NPC1L1: variants seen among roughly 807,000 people sequenced by gnomAD.
NPC1L1 encodes the protein NPC1-like intracellular cholesterol transporter 1.
A neutral mutation model predicts 117.0 loss-of-function variants in NPC1L1; 98 were observed. The ratio of observed to expected loss-of-function variants is 0.84; its 90% CI spans 0.71 to 0.99. NPC1L1 has a LOEUF of 0.99. Ranked by LOEUF, NPC1L1 falls within the 50% of genes least tolerant of loss-of-function variation. The probability of loss-of-function intolerance (pLI) is 0.00; values close to 1 mark genes in which losing one functional copy is unlikely to be tolerated. For synonymous variants in NPC1L1, 729 were observed against 727.6 expected, an observed-to-expected ratio of 1.00 and a Z score of -0.03; for missense variants, 1,540 against 1,710.0, an observed-to-expected ratio of 0.90 and a Z score of 1.75.
chr7:44,526,493 G>T (rs1801519137), intron 10 of NPC1L1, among the ~76,000 whole-genome samples: 1 of 141,302 alleles, frequency 7.1e-6, no homozygotes, highest in African/African-American at 2.7e-5. Context: ...AGGTTGCAGT[G>T]AGCCGAGATC....
chr7:44,519,069 C>A (rs1161868669), intron 14 of NPC1L1, among the ~76,000 whole-genome samples: 2 of 143,602 alleles, frequency 1.4e-5, no homozygotes, highest in Non-Finnish European at 3.0e-5. Flanking sequence ...CTCTTCTTTT[C>A]TTTCAATATC....
chr7:44,529,110 AACACAC>A (rs59108479), intron 10 of NPC1L1, among the ~76,000 whole-genome samples: 8,132 of 122,808 alleles, frequency 0.066, 389 homozygotes, highest in East Asian at 0.12. Context: ...GAATGAATTA[AACACAC>A]ACACACACAC....
In NPC1L1 at chr7:44,518,715, T is replaced by C. The variant is rs372056255; in HGVS notation, c.3137-1358A>G. The C allele has an allele frequency of 3.8e-5, 46 of 1,196,334 alleles. No homozygotes were observed. In the East Asian group the frequency reaches 6.3e-4, roughly 16 times the overall value. 74.1% of individuals were successfully genotyped at this position (1,196,334 alleles called of 1,614,324 possible). On this transcript the variant is annotated intron_variant, in intron 14 of 18. Transcript: ENST00000381160. ...TTCTTTATTGTGTACAGTGAGCATGTGTATCTGAAAAAGAAACAATAGTGC... is the reference window on the plus strand; with the variant it reads ...TTCTTTATTGTGTACAGTGAGCATGCGTATCTGAAAAAGAAACAATAGTGC...
intron 15 of NPC1L1, 77 bp from the exon 16 acceptor site, chr7:44,517,011 G>A (rs556804455): frequency 6.8e-6 from 10 of 1,476,424 alleles, no homozygotes; most frequent in Middle Eastern, 2.3e-4. Context: ...CACTTCAGAA[G>A]GAGAATGCTG....
At chr7:44,533,627 G>C (rs1801770414) in intron 7 of NPC1L1, 69 bp from the exon 8 acceptor site, 1 of 1,612,258 alleles carries the variant, frequency 6.2e-7, no homozygotes, top group African/African-American at 1.3e-5. Context: ...ACATTGACAG[G>C]GTGCAGGGGG....
At chr7:44,518,491 A>G in intron 14 of NPC1L1, 1 of 235,704 alleles carries the variant, frequency 4.2e-6, no homozygotes, top group Middle Eastern at 1.7e-3. Flanking sequence ...TTTCTTGGCG[A>G]CACTCTGCCT....
rs866285543 is a variant in NPC1L1 at position 44,538,652 on chromosome 7, C to T, written c.1580+165G>A. ...CTGACCAAAGGAAATGGCGGCCGGA[C>T]GAGGGGCAGAGATAATCATCTGGGC... On this transcript the variant is annotated intron_variant, in intron 2 of 18. Transcript: ENST00000381160. The surrounding 1 kb of genome is among the most constrained non-coding windows in gnomAD (Gnocchi z 5.9). Among the ~76,000 whole-genome samples, 7 of 152,256 alleles carry T rather than the reference C, an allele frequency of 4.6e-5. No individual in the cohort carries two copies. The highest frequency in any genetic ancestry group is 7.2e-5 in the African/African-American group (3 of 41,536).
At chr7:44,522,313 A>G (rs1801386086) in intron 10 of NPC1L1, 71 bp from the exon 11 acceptor site, 6 of 1,417,332 alleles carry the variant, frequency 4.2e-6, no homozygotes, top group Non-Finnish European at 5.8e-6. Context: ...TCCAGCTCAC[A>G]CTCTCGAAGG....
intron 5 of NPC1L1, 118 bp downstream of exon 5, chr7:44,535,722 T>C (rs1801862627): frequency 3.5e-6 from 5 of 1,424,538 alleles, no homozygotes; most frequent in East Asian, 4.7e-5. Flanking sequence ...GGGCAGCCAC[T>C]TGGGTGTGTC....
chr7:44,514,957 G>C (rs1253761472), intron 18 of NPC1L1, among the ~76,000 whole-genome samples: 1 of 152,068 alleles, frequency 6.6e-6, no homozygotes, highest in African/African-American at 2.4e-5. Context: ...AGGTTGCAGG[G>C]AGCTGAGATC....
At chr7:44,535,488 C>T (rs1176653720) in intron 5 of NPC1L1, among the ~76,000 whole-genome samples, 1 of 151,846 alleles carries the variant, frequency 6.6e-6, no homozygotes, top group East Asian at 1.9e-4. Context: ...TAAGATCATG[C>T]CACTGCACTC....
At chr7:44,529,054 G>A (rs1427013427) in intron 10 of NPC1L1, among the ~76,000 whole-genome samples, 1 of 148,942 alleles carries the variant, frequency 6.7e-6, no homozygotes, top group African/African-American at 2.5e-5. Context: ...CTGGGTGACA[G>A]ACTGAGGCTC....
Position 44,538,854 on chromosome 7 carries a change from G to A in NPC1L1, c.1543C>T (p.Gln515Ter), listed in dbSNP as rs765933988. Residue 515 changes from glutamine (Q) to a stop codon, truncating the protein, a stop_gained, in exon 2 of 19, where the codon CAA (glutamine) becomes TAA (stop). Coordinates refer to ENST00000381160, the MANE Select transcript of NPC1L1 (RefSeq NM_001101648.2). LOFTEE classifies it high-confidence loss of function. The surrounding 1 kb of genome is among the most constrained non-coding windows in gnomAD (Gnocchi z 5.9). ...AGAAAATGGTCCTTCCAGTCGACTT[G>A]GGAGGTCTGCCCCATCAGTGTCTGG... Reference protein sequence around the residue: ...ANQTLMGQTSQVDWKDHFLYC... With the variant: ...ANQTLMGQTS 6 of 1,614,202 alleles carry A rather than the reference G, an allele frequency of 3.7e-6. No individual in the cohort carries two copies. Among genetic ancestry groups the A allele is most frequent in the Non-Finnish European group, 5.1e-6 (6 of 1,180,028 alleles).
At chr7:44,514,944 C>T (rs1473493665) in intron 18 of NPC1L1, among the ~76,000 whole-genome samples, 1 of 151,826 alleles carries the variant, frequency 6.6e-6, no homozygotes, top group African/African-American at 2.4e-5. Context: ...ACTTGGGAGG[C>T]AGAGGTTGCA....
At chr7:44,524,284 G>A (rs1189582137) in intron 10 of NPC1L1, among the ~76,000 whole-genome samples, 1 of 152,118 alleles carries the variant, frequency 6.6e-6, no homozygotes, top group African/African-American at 2.4e-5. Context: ...CAAGCCCTGG[G>A]AAAGAAGGAG....
Position 44,534,367 on chromosome 7 carries a change from G to C in NPC1L1, c.2166+80C>G. ...CTGCAGGGAGACCCAGCAAATTCAC[G>C]CCAGAGTCCCATCAGGCCAGGAGGT... On this transcript the variant is annotated intron_variant, in intron 6 of 18. Transcript: ENST00000381160. This position sits in a 1 kb window ranked among gnomAD's most constrained non-coding sequence, Gnocchi z 5.2. 1 of 1,428,558 alleles carries C rather than the reference G, an allele frequency of 7.0e-7. No individual in the cohort carries two copies. The highest frequency in any genetic ancestry group is 1.1e-5 in the South Asian group (1 of 86,970). The allele number at this position is 1,428,558 out of a possible 1,614,324, so 88.5% of individuals were successfully genotyped here.
In NPC1L1 at chr7:44,531,772, C is replaced by T. The variant is rs1801707956; in HGVS notation, c.2620G>A (p.Glu874Lys). 6 of 1,581,138 alleles carry T rather than the reference C, an allele frequency of 3.8e-6. No homozygotes were observed. The highest frequency in any genetic ancestry group is 4.3e-6 in the Non-Finnish European group (5 of 1,163,758). Residue 874 changes from glutamate to lysine, a missense_variant, in exon 10 of 19, where the codon GAG (glutamate) becomes AAG (lysine). Physicochemically the swap from Glu to Lys is moderately conservative, Grantham distance 56. Transcript: ENST00000381160. Reference protein sequence around the residue: ...MCHISVGLDQELALPKDSYLL... With the variant: ...MCHISVGLDQKLALPKDSYLL... ...GGGCTCACCTTGGGCAGGGCCAGCT[C>T]CTGGTCCAGTCCCACGCTGATGTGG...
intron 1 of NPC1L1, among the ~76,000 whole-genome samples, chr7:44,540,592 A>G (rs1395498897): frequency 1.3e-5 from 2 of 152,112 alleles, no homozygotes; most frequent in Admixed American, 6.5e-5. Context: ...GAGAGGCCAG[A>G]GATGGGTAAG....
At chr7:44,535,612 AAAAGAAAAGC>A (rs1801857595) in intron 5 of NPC1L1, among the ~76,000 whole-genome samples, 2 of 152,208 alleles carry the variant, frequency 1.3e-5, no homozygotes, top group Admixed American at 1.3e-4. Context: ...AAGAGAAGAG[AAAAGAAAAGC>A]AAAGAAAAGA....
Sources: gnomAD v4.1 joint callset for allele counts (sites outside exome capture counted in the v4.1 genomes callset) on GRCh38, gnomAD v4.1.1 for gene constraint, Gnocchi (gnomAD v3.1) non-coding constraint, MANE v1.5 for transcripts, NCBI Gene and HGNC (gene_info 2026-07-23, HGNC 2026-07-21) for gene names.